Variants in CHM observed in about 807,000 individuals in gnomAD.
CHM encodes the protein rab proteins geranylgeranyltransferase component A 1.
Under a neutral mutation model 49.0 loss-of-function variants are expected in CHM, and 10 were observed. The observed-to-expected ratio is 0.20, with a 90% CI of 0.13 to 0.35. CHM has a LOEUF of 0.35. CHM is among the 10% of genes least tolerant of loss of function. CHM has a pLI of 1.00. For missense variants in CHM, 455 were observed against 478.4 expected, an observed-to-expected ratio of 0.95 and a Z score of 0.46; for synonymous variants, 184 against 167.5, an observed-to-expected ratio of 1.10 and a Z score of -0.76.
chrX:85,975,266 T>C (rs1931189530), intron 4 of CHM, among the ~76,000 whole-genome samples: 1 of 112,314 alleles, frequency 8.9e-6, no homozygotes, highest in Admixed American at 9.4e-5. Flanking sequence ...AATTACCATA[T>C]GACCCAGCAA....
In CHM at chrX:85,894,235, C is replaced by T. The variant is rs1392097406; in HGVS notation, c.1463G>A (p.Arg488Gln). The T allele has an allele frequency of 9.9e-6, 12 of 1,208,621 alleles. No individual in the cohort carries two copies. The highest frequency in any genetic ancestry group is 8.9e-5 in the East Asian group (3 of 33,689). The change falls in exon 12 of 15, where the codon CGG (arginine) becomes CAG (glutamine). Residue 488 changes from arginine (R) to glutamine (Q), a missense_variant. By Grantham distance (43) the Arg-to-Gln change is conservative (BLOSUM62 1). Transcript: ENST00000357749. Reference protein sequence around the residue: ...PAEEPGTFAVRVIELCSSTMT... With the variant: ...PAEEPGTFAVQVIELCSSTMT... The stretch of plus-strand genomic sequence containing the variant: ...CGTTGAAGAACATAACTCAATGACC[C>T]GAACAGCAAAAGTTCCTGGTTCCTC...
chrX:85,920,744 A>G, intron 8 of CHM, among the ~76,000 whole-genome samples: 1 of 112,032 alleles, frequency 8.9e-6, no homozygotes, highest in East Asian at 2.8e-4. Context: ...TTGCTGGGGT[A>G]AAAATCCAAG....
intron 1 of CHM, among the ~76,000 whole-genome samples, chrX:86,029,025 C>T (rs1283136626): frequency 1.8e-5 from 2 of 112,206 alleles, no homozygotes; most frequent in Non-Finnish European, 3.8e-5. Flanking sequence ...TCCAGCCTGC[C>T]TTCACAGAGG....
intron 2 of CHM, among the ~76,000 whole-genome samples, chrX:85,994,941 G>C (rs949426081): frequency 9.0e-6 from 1 of 111,411 alleles, no homozygotes; most frequent in Admixed American, 9.5e-5. Flanking sequence ...TCATATAAAA[G>C]CTGTCCTAAT....
chrX:85,974,277 C>T (rs1931124695), intron 4 of CHM, among the ~76,000 whole-genome samples: 1 of 111,264 alleles, frequency 9.0e-6, no homozygotes, highest in African/African-American at 3.3e-5. Context: ...AGAGACATAC[C>T]ATGTTCATAG....
At chrX:85,916,525 G>A (rs1222032635) in intron 8 of CHM, among the ~76,000 whole-genome samples, 1 of 111,611 alleles carries the variant, frequency 9.0e-6, no homozygotes, top group Non-Finnish European at 1.9e-5. Flanking sequence ...CCTACAGAAT[G>A]GGAGAGAATT....
chrX:86,027,682 T>C lies in CHM; in HGVS notation c.50-125A>G, dbSNP rs748408934. 1.1e-4 allele frequency: 61 copies of C among 531,920 alleles called. No homozygotes were observed. In the African/African-American group the frequency reaches 1.4e-3, roughly 12 times the overall value. 43.8% of individuals were successfully genotyped at this position (531,920 alleles called of 1,213,427 possible). ...CCAAAGAGACCCATCCTTGCTTGTATTCAGAATTATAAAGTTTATATTAAT... is the reference window on the plus strand; with the variant it reads ...CCAAAGAGACCCATCCTTGCTTGTACTCAGAATTATAAAGTTTATATTAAT... On this transcript the variant is annotated intron_variant, in intron 1 of 14. Transcript: ENST00000357749.
chrX:85,921,188 T>C (rs766249911), intron 8 of CHM, among the ~76,000 whole-genome samples: 3 of 112,110 alleles, frequency 2.7e-5, no homozygotes, highest in Admixed American at 9.5e-5. Context: ...TACTTTACCA[T>C]GATTTTGGGG....
At chrX:85,966,655 C>T (rs1229877213) in intron 4 of CHM, among the ~76,000 whole-genome samples, 1 of 112,282 alleles carries the variant, frequency 8.9e-6, no homozygotes, top group East Asian at 2.8e-4. Flanking sequence ...AAAAGTTCCA[C>T]ACCTAATTTT....
chrX:86,030,016 G>A (rs1452880170), intron 1 of CHM, among the ~76,000 whole-genome samples: 1 of 111,820 alleles, frequency 8.9e-6, no homozygotes, highest in African/African-American at 3.3e-5. Flanking sequence ...TTCACCAGAT[G>A]CCAGCTCCAA....
chrX:86,043,733 C>CTT (rs112150895), intron 1 of CHM, among the ~76,000 whole-genome samples: 8 of 101,560 alleles, frequency 7.9e-5, no homozygotes, highest in African/African-American at 1.8e-4. Flanking sequence ...GCCAATGAAA[C>CTT]TTTTTTTTTT....
At chrX:85,937,713 G>A (rs1928866983) in intron 8 of CHM, among the ~76,000 whole-genome samples, 1 of 108,789 alleles carries the variant, frequency 9.2e-6, no homozygotes, top group South Asian at 4.1e-4. Flanking sequence ...GTGTGGTAGT[G>A]CACACCTGTA....
chrX:86,018,112 T>C (rs1186609064), intron 2 of CHM, among the ~76,000 whole-genome samples: 1 of 112,179 alleles, frequency 8.9e-6, no homozygotes, highest in Non-Finnish European at 1.9e-5. Flanking sequence ...TGTAATTAAA[T>C]TGGAAACCAT....
chrX:85,866,430 G>A (rs946874924), intron 14 of CHM, among the ~76,000 whole-genome samples: 2 of 112,837 alleles, frequency 1.8e-5, no homozygotes, highest in Non-Finnish European at 3.8e-5. Flanking sequence ...AGATGGCCAG[G>A]CAGAAGTCTG....
chrX:85,930,775 T>C (rs1229713804), intron 8 of CHM, among the ~76,000 whole-genome samples: 1 of 111,935 alleles, frequency 8.9e-6, no homozygotes, highest in African/African-American at 3.2e-5. Context: ...TTATTATGTC[T>C]TGTAACCTTC....
chrX:86,018,936 T>A (rs1933419447), intron 2 of CHM, among the ~76,000 whole-genome samples: 1 of 111,690 alleles, frequency 9.0e-6, no homozygotes, highest in Non-Finnish European at 1.9e-5. Context: ...ACATGAGAGA[T>A]CCTTGATGTT....
At chrX:85,868,578 A>C (rs1192213773) in intron 14 of CHM, among the ~76,000 whole-genome samples, 1 of 110,924 alleles carries the variant, frequency 9.0e-6, no homozygotes, top group Non-Finnish European at 1.9e-5. Flanking sequence ...CAATCATCAA[A>C]TTCTATCAAT....
At chrX:86,039,337 CT>C (rs1160147359) in intron 1 of CHM, among the ~76,000 whole-genome samples, 1 of 110,037 alleles carries the variant, frequency 9.1e-6, no homozygotes, top group African/African-American at 3.3e-5. Flanking sequence ...TATACTTTAG[CT>C]TGTGTAAATT....
At chrX:86,016,834 C>T (rs1207172400) in intron 2 of CHM, among the ~76,000 whole-genome samples, 1 of 111,747 alleles carries the variant, frequency 8.9e-6, no homozygotes, top group Non-Finnish European at 1.9e-5. Flanking sequence ...GATCCACGGA[C>T]AGCTTGCACG....
Sources: gnomAD v4.1 joint callset for allele counts (sites outside exome capture counted in the v4.1 genomes callset) on GRCh38, gnomAD v4.1.1 for gene constraint, MANE v1.5 for transcripts, NCBI Gene and HGNC (gene_info 2026-07-23, HGNC 2026-07-21) for gene names.